SDHAF3: variants seen among roughly 807,000 people sequenced by gnomAD.
The protein encoded by SDHAF3 is succinate dehydrogenase assembly factor 3, mitochondrial.
Under a neutral mutation model 11.5 loss-of-function variants are expected in SDHAF3, and 18 were observed. That is an observed-to-expected ratio of 1.56 (90% confidence interval 1.08 to 2.32). The LOEUF (loss-of-function observed/expected upper bound fraction) is 2.32. Ranked by LOEUF, SDHAF3 falls within the 30% of genes most tolerant of loss-of-function variation. The pLI, the probability that SDHAF3 is intolerant of heterozygous loss-of-function variation, is 0.00. For missense variants in SDHAF3, 200 were observed against 154.4 expected, an observed-to-expected ratio of 1.30 and a Z score of -1.57; for synonymous variants, 72 against 59.3, an observed-to-expected ratio of 1.21 and a Z score of -0.99.
chr7:97,170,543 T>C lies in SDHAF3; in HGVS notation c.175-10469T>C, dbSNP rs557532383. Among the ~76,000 whole-genome samples, 5 of 152,340 alleles carry C rather than the reference T, an allele frequency of 3.3e-5. No individual in the cohort carries two copies. The South Asian group carries it at 1.0e-3, about 32-fold the overall frequency. ...GACATTATGACATTTGATTTGTAAGTGTCCAATATCATGGACATAGAGTTT... is the reference window on the plus strand; with the variant it reads ...GACATTATGACATTTGATTTGTAAGCGTCCAATATCATGGACATAGAGTTT... On this transcript the variant is annotated intron_variant, in intron 1 of 1. Coordinates refer to ENST00000432641, the MANE Select transcript of SDHAF3 (RefSeq NM_020186.3).
chr7:97,139,377 G>C (rs1020543949), intron 1 of SDHAF3, among the ~76,000 whole-genome samples: 5 of 151,930 alleles, frequency 3.3e-5, no homozygotes, highest in African/African-American at 1.2e-4. Context: ...TCAGAATGGG[G>C]GAGTGTATGC....
chr7:97,149,422 T>C (rs149349488), intron 1 of SDHAF3, among the ~76,000 whole-genome samples: 210 of 152,238 alleles, frequency 1.4e-3, no homozygotes, highest in African/African-American at 4.9e-3. Flanking sequence ...AAACAATACA[T>C]AGTTGCAGAT....
At chr7:97,180,306 T>C (rs894322344) in intron 1 of SDHAF3, among the ~76,000 whole-genome samples, 3 of 152,178 alleles carry the variant, frequency 2.0e-5, no homozygotes, top group African/African-American at 7.2e-5. Flanking sequence ...CTGCCATAAA[T>C]AGGATGAAAG....
chr7:97,179,119 T>G (rs1789731802), intron 1 of SDHAF3, among the ~76,000 whole-genome samples: 1 of 152,202 alleles, frequency 6.6e-6, no homozygotes, highest in Admixed American at 6.5e-5. Context: ...TGAATGGATT[T>G]GACATCTTTA....
intron 1 of SDHAF3, among the ~76,000 whole-genome samples, chr7:97,177,369 G>T (rs1190902125): frequency 6.6e-6 from 1 of 151,954 alleles, no homozygotes; most frequent in Non-Finnish European, 1.5e-5. Flanking sequence ...GGGCGTGATG[G>T]TGGGCATCTG....
intron 1 of SDHAF3, 101 bp downstream of exon 1, chr7:97,117,998 C>G (rs1006310675): frequency 1.2e-5 from 17 of 1,405,694 alleles, no homozygotes; most frequent in African/African-American, 1.4e-5. Flanking sequence ...GAGCAGCAAC[C>G]TGTTCTGTTT....
intron 1 of SDHAF3, among the ~76,000 whole-genome samples, chr7:97,128,691 A>G (rs952823575): frequency 2.6e-5 from 4 of 152,202 alleles, no homozygotes; most frequent in Admixed American, 2.6e-4. Flanking sequence ...AAAATTCATG[A>G]AAAATATGGG....
chr7:97,175,781 AGTT>A (rs1257999775), intron 1 of SDHAF3, among the ~76,000 whole-genome samples: 1 of 152,162 alleles, frequency 6.6e-6, no homozygotes, highest in Non-Finnish European at 1.5e-5. Context: ...CATGAACGTT[AGTT>A]TTTTTCTACT....
At chr7:97,146,910 T>A (rs975166628) in intron 1 of SDHAF3, among the ~76,000 whole-genome samples, 1 of 151,870 alleles carries the variant, frequency 6.6e-6, no homozygotes, top group Non-Finnish European at 1.5e-5. Flanking sequence ...CCTGGCTAAT[T>A]TTTTGTATTT....
At chr7:97,176,289 C>T (rs78388120) in intron 1 of SDHAF3, among the ~76,000 whole-genome samples, 7,585 of 152,216 alleles carry the variant, frequency 0.05, 552 homozygotes, top group East Asian at 0.29. Context: ...TTAACTTACC[C>T]TGAGGAAGCA....
intron 1 of SDHAF3, among the ~76,000 whole-genome samples, chr7:97,138,318 C>T (rs1469061464): frequency 6.6e-6 from 1 of 152,050 alleles, no homozygotes; most frequent in Non-Finnish European, 1.5e-5. Flanking sequence ...TGCCACCACA[C>T]CTGGCTAATT....
intron 1 of SDHAF3, among the ~76,000 whole-genome samples, chr7:97,170,838 CT>C (rs1470416938): frequency 6.6e-6 from 1 of 152,012 alleles, no homozygotes; most frequent in African/African-American, 2.4e-5. Context: ...ACTAGTGTTA[CT>C]TTCTATTCTT....
At chr7:97,138,531 A>G (rs1462765921) in intron 1 of SDHAF3, among the ~76,000 whole-genome samples, 6 of 152,258 alleles carry the variant, frequency 3.9e-5, no homozygotes, top group Non-Finnish European at 8.8e-5. Context: ...CATATGAGAG[A>G]TTACATTTTA....
At chr7:97,135,662 G>GTA (rs1164242022) in intron 1 of SDHAF3, 24 of 87,804 alleles carry the variant, frequency 2.7e-4, no homozygotes, top group Non-Finnish European at 4.0e-4. Flanking sequence ...GTGTGTGTGT[G>GTA]TGTGTGTATA....
chr7:97,159,912 A>G (rs991703059), intron 1 of SDHAF3, among the ~76,000 whole-genome samples: 1 of 151,902 alleles, frequency 6.6e-6, no homozygotes. Flanking sequence ...GGTGTTCTCT[A>G]CTCCGCCATA....
At chr7:97,173,621 C>T (rs530268250) in intron 1 of SDHAF3, among the ~76,000 whole-genome samples, 3 of 149,996 alleles carry the variant, frequency 2.0e-5, no homozygotes, top group Non-Finnish European at 2.9e-5. Context: ...GGCGCGATCT[C>T]GGCTTACTGC....
At chr7:97,176,903 CT>C (rs1157380967) in intron 1 of SDHAF3, among the ~76,000 whole-genome samples, 2 of 152,052 alleles carry the variant, frequency 1.3e-5, no homozygotes, top group African/African-American at 4.8e-5. Flanking sequence ...ATTTAGTTCA[CT>C]TTTTTAAAGT....
chr7:97,165,282 G>A (rs1016330262), intron 1 of SDHAF3, among the ~76,000 whole-genome samples: 38 of 150,222 alleles, frequency 2.5e-4, no homozygotes, highest in African/African-American at 7.6e-4. Flanking sequence ...GCAAGACTCC[G>A]TCTCAAAGAA....
chr7:97,146,959 T>C (rs1048889834), intron 1 of SDHAF3, among the ~76,000 whole-genome samples: 23 of 152,250 alleles, frequency 1.5e-4, no homozygotes, highest in African/African-American at 5.5e-4. Flanking sequence ...GCCAGGATAG[T>C]CTTGATCTCC....
Sources: gnomAD v4.1 joint callset for allele counts (sites outside exome capture counted in the v4.1 genomes callset) on GRCh38, gnomAD v4.1.1 for gene constraint, MANE v1.5 for transcripts, NCBI Gene and HGNC (gene_info 2026-07-23, HGNC 2026-07-21) for gene names.